RNLS: variants seen among roughly 807,000 people sequenced by gnomAD.
RNLS encodes the protein renalase.
In RNLS, 39 loss-of-function variants were observed where a neutral mutation model predicts 39.8. That is an observed-to-expected ratio of 0.98 (90% confidence interval 0.76 to 1.28). The LOEUF (loss-of-function observed/expected upper bound fraction) is 1.28. RNLS is among the 50% of genes most tolerant of loss of function. RNLS has a pLI of 0.00. For missense variants in RNLS, 410 were observed against 413.3 expected (o/e 0.99, Z 0.07); for synonymous variants, 147 against 150.7 (o/e 0.98, Z 0.18).
intron 4 of RNLS, among the ~76,000 whole-genome samples, chr10:88,380,055 T>G (rs368043528): frequency 4.6e-5 from 7 of 152,166 alleles, no homozygotes; most frequent in African/African-American, 1.7e-4. Context: ...CATAATATAA[T>G]GATTGTTTTA....
intron 4 of RNLS, among the ~76,000 whole-genome samples, chr10:88,370,437 C>T (rs962164089): frequency 1.3e-5 from 2 of 152,106 alleles, no homozygotes; most frequent in Non-Finnish European, 2.9e-5. Flanking sequence ...TTGTTGTTTA[C>T]AGCTAATTAG....
intron 4 of RNLS, among the ~76,000 whole-genome samples, chr10:88,413,835 A>C (rs894970521): frequency 1.3e-5 from 2 of 152,286 alleles, no homozygotes; most frequent in Middle Eastern, 3.4e-3. Context: ...GCAGTGAAGA[A>C]GTTTTCCTAT....
At chr10:88,255,853 A>G in the RNLS span, among the ~76,000 whole-genome samples, 1 of 152,228 alleles carries the variant, frequency 6.6e-6, no homozygotes, top group Non-Finnish European at 1.5e-5. Context: ...CTAGGGCAGC[A>G]CATCTCTTCA....
intron 4 of RNLS, among the ~76,000 whole-genome samples, chr10:88,481,741 A>T (rs1844182336): frequency 6.6e-6 from 1 of 152,162 alleles, no homozygotes; most frequent in Non-Finnish European, 1.5e-5. Context: ...AAAAATACAG[A>T]GCCTTTTATA....
intron 4 of RNLS, among the ~76,000 whole-genome samples, chr10:88,376,513 T>C (rs1480079484): frequency 6.6e-6 from 1 of 152,178 alleles, no homozygotes; most frequent in Admixed American, 6.6e-5. Flanking sequence ...CAATTGCAAA[T>C]GAATATTATT....
At chr10:88,240,675 G>A in the RNLS span, among the ~76,000 whole-genome samples, 2 of 151,472 alleles carry the variant, frequency 1.3e-5, no homozygotes, top group African/African-American at 2.4e-5. Context: ...ACTGAAATCC[G>A]CCCTCTCCTC....
chr10:88,520,225 G>A (rs1441646863), intron 4 of RNLS, among the ~76,000 whole-genome samples: 1 of 151,938 alleles, frequency 6.6e-6, no homozygotes, highest in Non-Finnish European at 1.5e-5. Context: ...CTCCCTATAA[G>A]AGTCACAGGG....
the RNLS span, among the ~76,000 whole-genome samples, chr10:88,176,654 C>T: frequency 6.6e-6 from 1 of 152,054 alleles, no homozygotes; most frequent in Non-Finnish European, 1.5e-5. Flanking sequence ...ATATTTGACT[C>T]TTTCCTTTTT....
At chr10:88,286,260 A>G (rs1843261612) in intron 6 of RNLS, among the ~76,000 whole-genome samples, 1 of 152,110 alleles carries the variant, frequency 6.6e-6, no homozygotes, top group South Asian at 2.1e-4. Context: ...GGAGAATTTT[A>G]AAATTTCACA....
At chr10:88,407,599 G>A (rs774286007) in intron 4 of RNLS, among the ~76,000 whole-genome samples, 189 of 151,942 alleles carry the variant, frequency 1.2e-3, no homozygotes, top group Non-Finnish European at 2.0e-3. Context: ...TAACTCCTTC[G>A]GTAGGTCAAG....
the RNLS span, among the ~76,000 whole-genome samples, chr10:88,201,381 T>C: frequency 6.6e-6 from 1 of 152,186 alleles, no homozygotes; most frequent in East Asian, 1.9e-4. Flanking sequence ...ATGCCAACCC[T>C]GGGCCTAGGC....
In RNLS at chr10:88,458,990, A is replaced by G. The variant is rs115215265; in HGVS notation, c.527-96265T>C. On this transcript the variant is annotated intron_variant, in intron 4 of 6. Transcript: ENST00000331772. ...ACTACCTGGTGGTATAGGCCCTTAT[A>G]TCTAGAACTCTCACTCAATGCTTCC... Among the ~76,000 whole-genome samples, 945 of 152,360 alleles carry G rather than the reference A, an allele frequency of 6.2e-3. 9 individuals are homozygous for G. Among genetic ancestry groups the G allele is most frequent in the African/African-American group, 0.021 (858 of 41,584 alleles).
intron 4 of RNLS, among the ~76,000 whole-genome samples, chr10:88,555,693 T>A (rs1590010894): frequency 6.6e-6 from 1 of 152,156 alleles, no homozygotes; most frequent in Admixed American, 6.5e-5. Flanking sequence ...ACCCTCCACA[T>A]TGCGAAATCC....
At chr10:88,387,906 A>G (rs753772474) in intron 4 of RNLS, among the ~76,000 whole-genome samples, 19 of 152,160 alleles carry the variant, frequency 1.2e-4, no homozygotes, top group Admixed American at 3.3e-4. Flanking sequence ...TCACGACCAC[A>G]CACCTTGAAA....
chr10:88,239,968 C>T, the RNLS span, among the ~76,000 whole-genome samples: 4 of 152,074 alleles, frequency 2.6e-5, no homozygotes, highest in Non-Finnish European at 4.4e-5. Context: ...TTATTTTCTA[C>T]AAAATTTAAC....
intron 6 of RNLS, among the ~76,000 whole-genome samples, chr10:88,294,881 G>A (rs1265590426): frequency 6.6e-6 from 1 of 151,900 alleles, no homozygotes; most frequent in African/African-American, 2.4e-5. Flanking sequence ...TTTCTCTATG[G>A]AAATAATTTT....
intron 4 of RNLS, among the ~76,000 whole-genome samples, chr10:88,413,184 C>T (rs1853801307): frequency 6.6e-6 from 1 of 152,132 alleles, no homozygotes; most frequent in Non-Finnish European, 1.5e-5. Context: ...CCATATCCTT[C>T]TGCTCTAGTA....
chr10:88,578,802 A>C (rs998250383), intron 3 of RNLS, among the ~76,000 whole-genome samples: 1 of 152,208 alleles, frequency 6.6e-6, no homozygotes, highest in Non-Finnish European at 1.5e-5. Context: ...TAACAAAATA[A>C]GGAGATAGAT....
chr10:88,528,903 A>G (rs1395975738), intron 4 of RNLS, among the ~76,000 whole-genome samples: 1 of 151,944 alleles, frequency 6.6e-6, no homozygotes, highest in African/African-American at 2.4e-5. Flanking sequence ...CTCCAGAAAA[A>G]TCCATCAATC....
Sources: allele counts gnomAD v4.1 joint callset (sites outside exome capture counted in the v4.1 genomes callset), GRCh38; gene constraint gnomAD v4.1.1; transcripts MANE v1.5; gene names NCBI Gene and HGNC (gene_info 2026-07-23, HGNC 2026-07-21).